Variants in DCDC1 observed in about 807,000 individuals in gnomAD.
The protein encoded by DCDC1 is doublecortin domain containing 1.
A neutral mutation model predicts 178.3 loss-of-function variants in DCDC1; 200 were observed. The observed-to-expected ratio is 1.12, with a 90% confidence interval of 1.00 to 1.26. DCDC1 has a LOEUF of 1.26. Ranked by LOEUF, DCDC1 falls within the 50% of genes most tolerant of loss-of-function variation. DCDC1 has a pLI of 0.00. For missense variants in DCDC1, 1,983 were observed against 1,749.2 expected (o/e 1.13, Z -2.38); for synonymous variants, 690 against 604.8 (o/e 1.14, Z -2.07).
chr11:31,279,090 A>T (rs1946215490), intron 7 of DCDC1, among the ~76,000 whole-genome samples: 1 of 152,166 alleles, frequency 6.6e-6, no homozygotes, highest in Non-Finnish European at 1.5e-5. Context: ...CAGTCCATGA[A>T]CATGGTATAT....
At chr11:31,071,275 A>C (rs1192749225) in intron 18 of DCDC1, among the ~76,000 whole-genome samples, 1 of 152,100 alleles carries the variant, frequency 6.6e-6, no homozygotes, top group Non-Finnish European at 1.5e-5. Flanking sequence ...TATTCATACA[A>C]TCTCATTGTT....
At chr11:31,053,432 C>T (rs1955390331) in intron 20 of DCDC1, among the ~76,000 whole-genome samples, 1 of 152,114 alleles carries the variant, frequency 6.6e-6, no homozygotes, top group African/African-American at 2.4e-5. Flanking sequence ...TCTTTTGACA[C>T]TATTCCACAA....
chr11:31,278,366 C>T (rs1946147462), intron 7 of DCDC1, among the ~76,000 whole-genome samples: 1 of 152,060 alleles, frequency 6.6e-6, no homozygotes, highest in Admixed American at 6.6e-5. Flanking sequence ...TTTGCAGCAA[C>T]ATGGATGAAC....
chr11:31,259,753 G>A (rs1206745262), intron 8 of DCDC1, among the ~76,000 whole-genome samples: 2 of 152,170 alleles, frequency 1.3e-5, no homozygotes, highest in Non-Finnish European at 2.9e-5. Flanking sequence ...TTCCCAAGAA[G>A]TTAGGTCACA....
At chr11:31,033,577 A>G (rs900263373) in intron 20 of DCDC1, among the ~76,000 whole-genome samples, 1 of 152,210 alleles carries the variant, frequency 6.6e-6, no homozygotes, top group Non-Finnish European at 1.5e-5. Flanking sequence ...CTGAGGAATT[A>G]TATTTCCCAG....
Position 30,873,368 on chromosome 11 carries a change from G to T in DCDC1, c.*40+5176C>A, listed in dbSNP as rs576221876. ...ACATATATATATATATATATATAGA[G>T]AGAGAGAGAGAGAGAGAGAACAAAC... On this transcript the variant is annotated intron_variant, in intron 38 of 38. Transcript: ENST00000684477. Among the ~76,000 whole-genome samples, 1,170 of 150,058 alleles carry T rather than the reference G, an allele frequency of 7.8e-3. 12 individuals carry two copies. The highest frequency in any genetic ancestry group is 0.022 in the African/African-American group (908 of 40,766).
intron 11 of DCDC1, among the ~76,000 whole-genome samples, chr11:31,119,648 T>C (rs747975768): frequency 1.3e-4 from 20 of 152,190 alleles, no homozygotes; most frequent in Non-Finnish European, 2.6e-4. Context: ...AAGCTTTCTA[T>C]TAATACAAAT....
intron 21 of DCDC1, among the ~76,000 whole-genome samples, chr11:30,932,929 G>C (rs1287970130): frequency 6.6e-6 from 1 of 152,118 alleles, no homozygotes; most frequent in Non-Finnish European, 1.5e-5. Flanking sequence ...TGTGAAAGAA[G>C]AGTAAATGCA....
chr11:31,129,241 A>G (rs1256418917), intron 10 of DCDC1, among the ~76,000 whole-genome samples: 1 of 152,160 alleles, frequency 6.6e-6, no homozygotes, highest in Non-Finnish European at 1.5e-5. Context: ...AATTTCAATT[A>G]CATTTGACTT....
At chr11:30,992,363 G>A (rs1345068286) in intron 20 of DCDC1, 2 of 152,166 alleles carry the variant, frequency 1.3e-5, no homozygotes, top group East Asian at 3.9e-4. Flanking sequence ...CTACTTAACA[G>A]GGTAAGCTCC....
At chr11:30,971,047 C>T (rs961556830) in intron 20 of DCDC1, among the ~76,000 whole-genome samples, 2 of 152,152 alleles carry the variant, frequency 1.3e-5, no homozygotes, top group South Asian at 2.1e-4. Context: ...ACCTGGTATC[C>T]CCATCCCCAG....
intron 1 of DCDC1, among the ~76,000 whole-genome samples, chr11:31,365,720 A>G (rs1411495464): frequency 6.6e-6 from 1 of 152,146 alleles, no homozygotes; most frequent in African/African-American, 2.4e-5. Context: ...TGATGTATCT[A>G]GCTACATCTA....
At chr11:31,181,798 G>C (rs184798418) in intron 9 of DCDC1, among the ~76,000 whole-genome samples, 40 of 151,962 alleles carry the variant, frequency 2.6e-4, no homozygotes, top group Non-Finnish European at 4.7e-4. Context: ...CCAAAAACCA[G>C]AATGAGCATG....
At chr11:30,868,707 A>G (rs1401031756) in intron 38 of DCDC1, among the ~76,000 whole-genome samples, 2 of 152,216 alleles carry the variant, frequency 1.3e-5, no homozygotes, top group African/African-American at 4.8e-5. Flanking sequence ...TCCCATTTAC[A>G]TGCTGTTTCT....
intron 27 of DCDC1, among the ~76,000 whole-genome samples, chr11:30,913,097 A>G (rs978014398): frequency 1.3e-5 from 2 of 152,294 alleles, no homozygotes; most frequent in Admixed American, 1.3e-4. Flanking sequence ...ATTGTTCTGA[A>G]TCATGCCCAC....
At chr11:30,943,188 TTC>T (rs1947779412) in intron 21 of DCDC1, 1 of 152,440 alleles carries the variant, frequency 6.6e-6, no homozygotes, top group African/African-American at 2.4e-5. Flanking sequence ...TTGATCATTC[TTC>T]TTTTTTTTTT....
At chr11:31,030,009 A>G (rs1200324056) in intron 20 of DCDC1, among the ~76,000 whole-genome samples, 1 of 152,132 alleles carries the variant, frequency 6.6e-6, no homozygotes, top group Non-Finnish European at 1.5e-5. Context: ...TAAAATTTGT[A>G]AGATCATCAA....
At chr11:30,944,897 G>A (rs973014781) in intron 21 of DCDC1, among the ~76,000 whole-genome samples, 3 of 148,132 alleles carry the variant, frequency 2.0e-5, no homozygotes, top group Non-Finnish European at 4.5e-5. Context: ...GAACTTTGAA[G>A]TAGTTTGTAT....
rs746066475 is a variant in DCDC1 at position 30,894,236 on chromosome 11, C to T, written c.4902+12G>A. 19 of 1,604,938 alleles carry T rather than the reference C, an allele frequency of 1.2e-5. No individual in the cohort carries two copies. Among genetic ancestry groups the T allele is most frequent in the Non-Finnish European group, 1.5e-5 (18 of 1,177,308 alleles). ...GCAGAGTCTTTAATGTCCAGAATCCCAAAGAACATACCTCTGTATGTCTTA... is the reference window on the plus strand; with the variant it reads ...GCAGAGTCTTTAATGTCCAGAATCCTAAAGAACATACCTCTGTATGTCTTA... On this transcript the variant is annotated intron_variant, in intron 35 of 38. Coordinates refer to ENST00000684477, the MANE Select transcript of DCDC1 (RefSeq NM_001387274.1).
Sources: gnomAD v4.1 joint callset for allele counts (sites outside exome capture counted in the v4.1 genomes callset) on GRCh38, gnomAD v4.1.1 for gene constraint, MANE v1.5 for transcripts, NCBI Gene and HGNC (gene_info 2026-07-23, HGNC 2026-07-21) for gene names.